The following SRRM1 variants were observed in gnomAD, a reference collection of about 807,000 sequenced individuals.
SRRM1 encodes serine/arginine repetitive matrix protein 1.
In SRRM1, 19 loss-of-function variants were observed where a neutral mutation model predicts 110.2. The ratio of observed to expected loss-of-function variants is 0.17; its 90% CI spans 0.12 to 0.25. SRRM1 has a LOEUF of 0.25. SRRM1 is among the 10% of genes least tolerant of loss of function. The pLI, the probability that SRRM1 is intolerant of heterozygous loss-of-function variation, is 1.00. For missense variants in SRRM1, 918 were observed against 1,145.8 expected, an observed-to-expected ratio of 0.80 and a Z score of 2.87; for synonymous variants, 443 against 414.9, an observed-to-expected ratio of 1.07 and a Z score of -0.82.
At position 24,666,882 on chromosome 1, in the gene SRRM1, C is replaced by T. The variant is rs777541603; in HGVS notation, c.1696C>T (p.Pro566Ser). Residue 566 changes from proline to serine, a missense_variant, in exon 13 of 17, where the codon CCT becomes TCT. Physicochemically the swap from Pro to Ser is moderately conservative, Grantham distance 74. Transcript: ENST00000323848. ...RRRRSPSPAP[P>S]PRRRRTPTPP... is the part of the protein sequence containing the mutation. ...GCGACGGTCTCCTTCTCCCGCCCCT[C>T]CTCCTCGACGGCGCAGGACTCCCAC... 6.2e-7 allele frequency: 1 copy of T among 1,612,080 alleles called. No individual in the cohort carries two copies. The highest frequency in any genetic ancestry group is 8.5e-7 in the Non-Finnish European group (1 of 1,179,392).
intron 5 of SRRM1, among the ~76,000 whole-genome samples, chr1:24,650,785 G>A (rs1374781031): frequency 2.0e-5 from 3 of 152,256 alleles, no homozygotes; most frequent in Non-Finnish European, 4.4e-5. Context: ...ATAGAGCTAA[G>A]CACAAATTGT....
In SRRM1 at chr1:24,661,873, A is replaced by G. The variant is rs1247206231; in HGVS notation, c.1483+477A>G. On this transcript the variant is annotated intron_variant, in intron 11 of 16. Coordinates refer to ENST00000323848, the MANE Select transcript of SRRM1 (RefSeq NM_005839.4). ...GGGAGGCCGAGGTGAGCAGGCCGAG[A>G]TCAGGAGTTCAAGACCATCCTGGCC... Among the ~76,000 whole-genome samples the G allele has an allele frequency of 3.3e-5, 5 of 152,032 alleles. No individual in the cohort carries two copies. The East Asian group carries it at 9.7e-4, about 29-fold the overall frequency.
rs771968094 is a variant in SRRM1, at chr1:24,651,401, C to G, written c.522-8C>G. 6.2e-7 allele frequency: 1 copy of G among 1,610,528 alleles called. No homozygotes were observed. Among genetic ancestry groups the G allele is most frequent in the African/African-American group, 1.3e-5 (1 of 74,624 alleles). ...TTAAAAACCTGAAAAAAATTACTTT[C>G]ATCCTAGACGCAAATCCAGATCTCC... On this transcript the variant is annotated splice_polypyrimidine_tract_variant and splice_region_variant and intron_variant, in intron 5 of 16. Coordinates refer to ENST00000323848, the MANE Select transcript of SRRM1 (RefSeq NM_005839.4).
At position 24,669,214 on chromosome 1, in the gene SRRM1, A is replaced by G. The variant is rs1671539810; in HGVS notation, c.1831A>G (p.Lys611Glu). The G allele has an allele frequency of 6.2e-7, 1 of 1,613,804 alleles. No homozygotes were observed. Among genetic ancestry groups the G allele is most frequent in the Non-Finnish European group, 8.5e-7 (1 of 1,179,970 alleles). The stretch of plus-strand genomic sequence containing the variant: ...GAGATACTCTCCTTCTCCACCTCCA[A>G]AGAGAAGAACGGCTTCACCTCCTCC... ...QRRYSPSPPPKRRTASPPPPP... is the reference protein window; with the variant it reads ...QRRYSPSPPPERRTASPPPPP... The change falls in exon 14 of 17, where the codon AAG (lysine) becomes GAG (glutamate). Residue 611 changes from lysine (K) to glutamate (E), a missense_variant. By Grantham distance (56) the Lys-to-Glu change is moderately conservative. This residue lies in a region of SRRM1 where 357 missense variants were observed against 402.9 expected (regional missense o/e 0.89). Coordinates refer to ENST00000323848, the MANE Select transcript of SRRM1 (RefSeq NM_005839.4).
intron 4 of SRRM1, among the ~76,000 whole-genome samples, chr1:24,649,574 C>T (rs1407328971): frequency 2.0e-5 from 3 of 152,188 alleles, no homozygotes; most frequent in Non-Finnish European, 2.9e-5. Flanking sequence ...CCGCCCTTGG[C>T]GGGATTATAG....
rs550296707 is a variant in SRRM1 at position 24,653,123 on chromosome 1, A to G, written c.1040+91A>G. On this transcript the variant is annotated intron_variant, in intron 8 of 16. Coordinates refer to ENST00000323848, the MANE Select transcript of SRRM1 (RefSeq NM_005839.4). Reference sequence around the variant, plus strand: ...AATCTGTAAATTAGTGTCCCCTGGAAGAAAGAACTGATAGGTGATATTAGA... The same window carrying G: ...AATCTGTAAATTAGTGTCCCCTGGAGGAAAGAACTGATAGGTGATATTAGA... The G allele has an allele frequency of 4.0e-6, 5 of 1,248,016 alleles. No homozygotes were observed. In the African/African-American group the frequency reaches 7.6e-5, roughly 19 times the overall value. 77.3% of individuals were successfully genotyped at this position (1,248,016 alleles called of 1,614,324 possible). A position where few individuals can be genotyped will look rare whatever the true frequency, so the allele number is the denominator to read the frequency against.
In SRRM1 at chr1:24,651,452, G is replaced by C. The variant is rs1660628652; in HGVS notation, c.565G>C (p.Val189Leu). The C allele has an allele frequency of 6.2e-7, 1 of 1,614,096 alleles. No individual in the cohort carries two copies. Among genetic ancestry groups the C allele is most frequent in the Non-Finnish European group, 8.5e-7 (1 of 1,180,014 alleles). ...TTCCCCTAGAAGACGATCTTCCCCT[G>C]TCAGGAGAGAGAGAAAGCGCAGTCA... is the stretch of plus-strand genomic sequence containing the variant. ...SPSPRRRSSP[V>L]RRERKRSHSR... The change falls in exon 6 of 17, where the codon GTC (valine) becomes CTC (leucine). Residue 189 changes from valine to leucine, a missense_variant. Physicochemically the swap from Val to Leu is conservative, Grantham distance 32. Around this residue, in one of 5 missense-constraint regions of SRRM1, gnomAD observed 456 missense variants for 453.5 expected, o/e 1.01. Transcript: ENST00000323848.
chr1:24,666,514 C>T (rs1271333068), intron 12 of SRRM1: 3 of 293,444 alleles, frequency 1.0e-5, no homozygotes, highest in Non-Finnish European at 2.0e-5. Flanking sequence ...ATAATCCCAG[C>T]ACTTTGGGAG....
chr1:24,662,303 T>C (rs1667669892), intron 11 of SRRM1, among the ~76,000 whole-genome samples: 1 of 152,060 alleles, frequency 6.6e-6, no homozygotes. Flanking sequence ...CAAAGATTAG[T>C]TAGGCATGAT....
At chr1:24,654,381 C>G (rs888492495) in intron 8 of SRRM1, 12 of 1,285,704 alleles carry the variant, frequency 9.3e-6, no homozygotes, top group Non-Finnish European at 1.0e-5. Flanking sequence ...ACAAATTTTG[C>G]CGCAGAATTC....
chr1:24,656,645 C>CT (rs1304428172), intron 9 of SRRM1, among the ~76,000 whole-genome samples: 1 of 152,114 alleles, frequency 6.6e-6, no homozygotes, highest in African/African-American at 2.4e-5. Flanking sequence ...AATATTTATT[C>CT]TTTGTCTGGA....
chr1:24,660,674 C>G, intron 9 of SRRM1, 45 bp from the exon 10 acceptor site: 1 of 1,041,846 alleles, frequency 9.6e-7, no homozygotes, highest in Non-Finnish European at 1.4e-6. Flanking sequence ...CTTGTATAGA[C>G]CTTTTTTTGT....
At chr1:24,646,522 CAA>C (rs149061293) in intron 2 of SRRM1, 143 bp from the exon 3 acceptor site, 14,579 of 390,322 alleles carry the variant, frequency 0.037, no homozygotes, top group South Asian at 0.054. Flanking sequence ...GACTCTGTCT[CAA>C]AAAAAAAAAA....
At position 24,651,624 on chromosome 1, in the gene SRRM1, A is replaced by G; in HGVS notation, c.725+12A>G. 1 of 1,576,180 alleles carries G rather than the reference A, an allele frequency of 6.3e-7. No individual in the cohort carries two copies. Among genetic ancestry groups the G allele is most frequent in the Non-Finnish European group, 8.6e-7 (1 of 1,157,270 alleles). On this transcript the variant is annotated intron_variant, in intron 6 of 16. Transcript: ENST00000323848. Reference sequence around the variant, plus strand: ...GCTACTTCTACTAGGCAAGTATATAAAAATTCATTTATAAATAATCACAAT... The same window carrying G: ...GCTACTTCTACTAGGCAAGTATATAGAAATTCATTTATAAATAATCACAAT...
chr1:24,661,141 CTAAATCAGCCTGTGAATTGGCATTT>C (rs1175055280), intron 10 of SRRM1, among the ~76,000 whole-genome samples, 144 bp from the exon 11 acceptor site: 1 of 151,902 alleles, frequency 6.6e-6, no homozygotes. Context: ...TGAAGATAGT[CTAAATCAGCCTGTGAATTGGCATTT>C]TAAACTCTTT....
intron 14 of SRRM1, 116 bp from the exon 15 acceptor site, chr1:24,670,004 C>CT (rs1671925051): frequency 1.1e-6 from 1 of 939,330 alleles, no homozygotes; most frequent in Non-Finnish European, 1.6e-6. Context: ...AATCAACCAG[C>CT]AATCTAAGTG....
chr1:24,648,547 T>G, intron 3 of SRRM1: 1 of 207,928 alleles, frequency 4.8e-6, no homozygotes, highest in Non-Finnish European at 9.5e-6. Flanking sequence ...TTCATGATGG[T>G]TTTTAAAGTT....
intron 12 of SRRM1, chr1:24,663,289 A>T (rs1317859977): frequency 7.9e-7 from 1 of 1,267,864 alleles, no homozygotes; most frequent in Non-Finnish European, 1.1e-6. Context: ...TTAATTTCCT[A>T]TTTAGGTGAC....
intron 15 of SRRM1, 93 bp downstream of exon 15, chr1:24,670,408 G>T: frequency 7.6e-7 from 1 of 1,322,084 alleles, no homozygotes; most frequent in South Asian, 1.5e-5. Flanking sequence ...TAAAATATTG[G>T]TGTTTAAACT....
Sources: gnomAD v4.1 joint callset for allele counts (sites outside exome capture counted in the v4.1 genomes callset) on GRCh38, gnomAD v4.1.1 for gene constraint, gnomAD v4.1.1 regional missense constraint, MANE v1.5 for transcripts, NCBI Gene and HGNC (gene_info 2026-07-23, HGNC 2026-07-21) for gene names.